The following C12orf50 variants were observed in gnomAD, a reference collection of about 807,000 sequenced individuals.
C12orf50 encodes uncharacterized protein C12orf50.
A neutral mutation model predicts 61.6 loss-of-function variants in C12orf50; 35 were observed. That is an observed-to-expected ratio of 0.57 (90% CI 0.43 to 0.75). C12orf50 has a LOEUF of 0.75. Ranked by LOEUF, C12orf50 falls within the 30% of genes least tolerant of loss-of-function variation. The pLI is 0.00. For missense variants in C12orf50, 475 were observed against 488.5 expected (o/e 0.97, Z 0.26); for synonymous variants, 178 against 161.5 (o/e 1.10, Z -0.77).
intron 1 of C12orf50, 48 bp from the exon 2 acceptor site, chr12:88,027,118 G>T (rs1202036652): frequency 2.0e-6 from 3 of 1,524,358 alleles, no homozygotes; most frequent in Non-Finnish European, 2.6e-6. Flanking sequence ...GTTGACATTA[G>T]TGTTCAACAA....
chr12:88,009,923 T>C (rs2032032209), intron 3 of C12orf50, among the ~76,000 whole-genome samples: 1 of 152,162 alleles, frequency 6.6e-6, no homozygotes, highest in Admixed American at 6.5e-5. Flanking sequence ...TTATTATCTT[T>C]TGAAGTATTC....
chr12:88,025,403 AGAG>A (rs529923036), intron 3 of C12orf50, among the ~76,000 whole-genome samples: 83 of 152,274 alleles, frequency 5.5e-4, no homozygotes, highest in Admixed American at 1.4e-3. Context: ...TCATCATCAA[AGAG>A]GAGGTGGCAA....
intron 3 of C12orf50, among the ~76,000 whole-genome samples, chr12:88,002,078 G>T (rs2031676766): frequency 6.6e-6 from 1 of 151,386 alleles, no homozygotes. Context: ...AGTGTCTTAA[G>T]GTATAAGTCT....
In C12orf50 at chr12:87,981,641, G is replaced by A. The variant is rs148516976; in HGVS notation, c.1220-1285C>T. On this transcript the variant is annotated intron_variant, in intron 12 of 12. Transcript: ENST00000298699. ...CTAAATACTGACCCACCCCAATATG[G>A]CTCAACAAAGTCCTCTTTCTGGTGC... Among the ~76,000 whole-genome samples, 312 of 152,118 alleles carry A rather than the reference G, an allele frequency of 2.1e-3. 1 individual carries two copies. Among genetic ancestry groups the A allele is most frequent in the African/African-American group, 7.4e-3 (306 of 41,506 alleles).
intron 3 of C12orf50, among the ~76,000 whole-genome samples, chr12:88,005,300 C>G (rs757239385): frequency 2.2e-4 from 33 of 152,108 alleles, no homozygotes; most frequent in Non-Finnish European, 4.1e-4. Flanking sequence ...AATTTATTTT[C>G]TCCCACAATA....
At chr12:88,009,466 T>A (rs542428112) in intron 3 of C12orf50, among the ~76,000 whole-genome samples, 129 of 152,196 alleles carry the variant, frequency 8.5e-4, no homozygotes, top group African/African-American at 2.9e-3. Flanking sequence ...GCTTTCTGTT[T>A]ATTGTTCTAT....
intron 3 of C12orf50, among the ~76,000 whole-genome samples, chr12:88,006,221 G>T (rs1244424129): frequency 6.6e-6 from 1 of 152,054 alleles, no homozygotes; most frequent in African/African-American, 2.4e-5. Context: ...TGGCCCAAAA[G>T]AACTCTTTTT....
At chr12:88,011,708 T>C (rs1331567959) in intron 3 of C12orf50, among the ~76,000 whole-genome samples, 1 of 152,192 alleles carries the variant, frequency 6.6e-6, no homozygotes, top group African/African-American at 2.4e-5. Flanking sequence ...GCTTCCAAAA[T>C]CTAGTTCTGG....
intron 3 of C12orf50, among the ~76,000 whole-genome samples, chr12:88,006,968 T>C (rs1339037789): frequency 6.6e-6 from 1 of 152,310 alleles, no homozygotes; most frequent in South Asian, 2.1e-4. Context: ...TACGATTTCA[T>C]TTGCTGTATG....
chr12:88,024,098 A>C (rs2032616641), intron 3 of C12orf50, among the ~76,000 whole-genome samples: 1 of 152,200 alleles, frequency 6.6e-6, no homozygotes, highest in African/African-American at 2.4e-5. Context: ...TACCAATAAG[A>C]ATGGCTATTT....
chr12:87,991,078 C>T (rs2031098745), intron 7 of C12orf50, among the ~76,000 whole-genome samples: 1 of 151,956 alleles, frequency 6.6e-6, no homozygotes, highest in South Asian at 2.1e-4. Context: ...GGGTCTTGTC[C>T]GAGGAATAAG....
intron 3 of C12orf50, among the ~76,000 whole-genome samples, chr12:88,019,358 C>T (rs2032429698): frequency 6.6e-6 from 1 of 152,102 alleles, no homozygotes; most frequent in Admixed American, 6.5e-5. Flanking sequence ...TGGAGGCCTC[C>T]CCAGACATGT....
At chr12:87,992,267 T>C (rs2136419989) in intron 7 of C12orf50, among the ~76,000 whole-genome samples, 1 of 152,304 alleles carries the variant, frequency 6.6e-6, no homozygotes, top group South Asian at 2.1e-4. Flanking sequence ...GATGTAGGTA[T>C]ATGTGTGTGT....
chr12:87,991,313 C>A (rs1443203171), intron 7 of C12orf50, among the ~76,000 whole-genome samples: 3 of 151,922 alleles, frequency 2.0e-5, no homozygotes, highest in Admixed American at 1.3e-4. Context: ...TAAGACAGGA[C>A]AATTGAGCAA....
chr12:87,980,488 AATTTTCAAAAT>A (rs2030404741), intron 12 of C12orf50, 132 bp from the exon 13 acceptor site: 2 of 765,006 alleles, frequency 2.6e-6, no homozygotes, highest in African/African-American at 3.5e-5. Flanking sequence ...TTAACTTATA[AATTTTCAAAAT>A]GCCATTCAAA....
At chr12:88,010,080 C>A (rs554869458) in intron 3 of C12orf50, among the ~76,000 whole-genome samples, 2 of 152,162 alleles carry the variant, frequency 1.3e-5, no homozygotes, top group Admixed American at 1.3e-4. Flanking sequence ...AGTGTCCAAT[C>A]CGTTTCCATA....
intron 6 of C12orf50, among the ~76,000 whole-genome samples, chr12:87,995,805 G>C (rs923807816): frequency 6.6e-6 from 1 of 152,102 alleles, no homozygotes; most frequent in Non-Finnish European, 1.5e-5. Context: ...CGCCACGTTT[G>C]AATAGTTCGC....
At chr12:88,027,738 CTA>C (rs1294218081) in intron 1 of C12orf50, 2 of 152,254 alleles carry the variant, frequency 1.3e-5, no homozygotes, top group East Asian at 3.9e-4. Context: ...CTTAAAAATT[CTA>C]TGTTCTTTTA....
chr12:88,003,757 C>T (rs1411624522), intron 3 of C12orf50, among the ~76,000 whole-genome samples: 1 of 151,900 alleles, frequency 6.6e-6, no homozygotes, highest in Non-Finnish European at 1.5e-5. Flanking sequence ...TGGTATTTAT[C>T]TTTTTTCATA....
Sources: allele counts gnomAD v4.1 joint callset (sites outside exome capture counted in the v4.1 genomes callset), GRCh38; gene constraint gnomAD v4.1.1; transcripts MANE v1.5; gene names NCBI Gene and HGNC (gene_info 2026-07-23, HGNC 2026-07-21).